DPP10: variants seen among roughly 807,000 people sequenced by gnomAD.
DPP10 encodes inactive dipeptidyl peptidase 10.
Under a neutral mutation model 120.9 loss-of-function variants are expected in DPP10, and 33 were observed. The observed-to-expected ratio is 0.27, with a 90% CI of 0.21 to 0.37. The LOEUF is 0.37. Among genes scored for constraint, DPP10 ranks in the 10% least tolerant of loss-of-function variants. The probability of loss-of-function intolerance (pLI) is 1.00; values close to 1 mark genes in which losing one functional copy is unlikely to be tolerated. For missense variants in DPP10, 816 were observed against 942.8 expected, an observed-to-expected ratio of 0.87 and a Z score of 1.76; for synonymous variants, 337 against 326.1, an observed-to-expected ratio of 1.03 and a Z score of -0.36.
intron 5 of DPP10, among the ~76,000 whole-genome samples, chr2:115,631,640 C>G (rs942584832): frequency 2.6e-5 from 4 of 152,098 alleles, no homozygotes; most frequent in African/African-American, 9.7e-5. Flanking sequence ...CAAAGAACTT[C>G]TTGATGTATG....
chr2:115,621,540 A>G (rs1311405523), intron 5 of DPP10, among the ~76,000 whole-genome samples: 2 of 152,106 alleles, frequency 1.3e-5, no homozygotes, highest in African/African-American at 4.8e-5. Flanking sequence ...CTTAAGGGAT[A>G]TTTTTTAATA....
chr2:115,336,565 C>G (rs1004616388), intron 2 of DPP10, among the ~76,000 whole-genome samples: 1 of 63,912 alleles, frequency 1.6e-5, no homozygotes, highest in Non-Finnish European at 6.2e-5. Flanking sequence ...TGTACTCTCT[C>G]TCTCTCTCTC....
intron 21 of DPP10, among the ~76,000 whole-genome samples, chr2:115,818,615 T>C (rs1397327082): frequency 6.6e-6 from 1 of 152,086 alleles, no homozygotes; most frequent in East Asian, 1.9e-4. Context: ...GAAGGGAGCA[T>C]GTGTGGAGAA....
chr2:114,998,870 C>T (rs1190828710), intron 1 of DPP10, among the ~76,000 whole-genome samples: 1 of 152,096 alleles, frequency 6.6e-6, no homozygotes, highest in Non-Finnish European at 1.5e-5. Flanking sequence ...ATTTTTTGGA[C>T]CTTTCTTCCA....
At chr2:115,719,418 G>T (rs2092587217) in intron 7 of DPP10, among the ~76,000 whole-genome samples, 1 of 152,152 alleles carries the variant, frequency 6.6e-6, no homozygotes. Context: ...AGAATGTCAG[G>T]TACTGATGCA....
chr2:114,820,636 A>G (rs1017444378), intron 1 of DPP10, among the ~76,000 whole-genome samples: 5 of 152,182 alleles, frequency 3.3e-5, no homozygotes, highest in African/African-American at 1.2e-4. Flanking sequence ...GGGCATCAGG[A>G]GATGGAACGA....
chr2:115,474,607 G>C (rs543959699), intron 3 of DPP10, among the ~76,000 whole-genome samples: 1 of 152,032 alleles, frequency 6.6e-6, no homozygotes, highest in Non-Finnish European at 1.5e-5. Flanking sequence ...GATGTGGCCA[G>C]GCTGCTTCTA....
At chr2:115,779,720 TG>T (rs1682523368) in intron 15 of DPP10, among the ~76,000 whole-genome samples, 2 of 152,036 alleles carry the variant, frequency 1.3e-5, no homozygotes, top group South Asian at 4.1e-4. Context: ...GAAACTGAAT[TG>T]TACACTTAGA....
chr2:115,079,861 G>A (rs1216274887), intron 1 of DPP10, among the ~76,000 whole-genome samples: 1 of 152,178 alleles, frequency 6.6e-6, no homozygotes, highest in East Asian at 1.9e-4. Context: ...TTTCCAGAAA[G>A]CTCCTACTAG....
intron 5 of DPP10, among the ~76,000 whole-genome samples, chr2:115,640,055 C>G (rs190540856): frequency 1.2e-3 from 188 of 151,240 alleles, no homozygotes; most frequent in Middle Eastern, 6.9e-3. Context: ...GGCCTATACT[C>G]TAATTTAGAT....
intron 1 of DPP10, among the ~76,000 whole-genome samples, chr2:115,162,633 T>A (rs1315657411): frequency 6.6e-6 from 1 of 151,924 alleles, no homozygotes; most frequent in East Asian, 1.9e-4. Flanking sequence ...GCATTAACGA[T>A]TAAGTGGAGC....
intron 4 of DPP10, among the ~76,000 whole-genome samples, chr2:115,508,840 T>A (rs1220914484): frequency 6.6e-6 from 1 of 152,092 alleles, no homozygotes; most frequent in East Asian, 1.9e-4. Flanking sequence ...GAGGCGGAGG[T>A]TGCAGTGAGC....
At chr2:114,967,055 C>G (rs985732309) in intron 1 of DPP10, among the ~76,000 whole-genome samples, 6 of 151,802 alleles carry the variant, frequency 4.0e-5, no homozygotes, top group African/African-American at 1.5e-4. Flanking sequence ...AAAAACAAAA[C>G]AAACAAACAA....
intron 1 of DPP10, among the ~76,000 whole-genome samples, chr2:115,273,313 G>GT (rs2059776857): frequency 1.3e-5 from 2 of 151,906 alleles, no homozygotes; most frequent in Admixed American, 1.3e-4. Flanking sequence ...TTTTTTCAGA[G>GT]TTTCTTGAGA....
intron 5 of DPP10, among the ~76,000 whole-genome samples, chr2:115,597,837 G>A (rs1271678944): frequency 6.6e-6 from 1 of 151,896 alleles, no homozygotes; most frequent in African/African-American, 2.4e-5. Flanking sequence ...TCCTTCATCA[G>A]ACCAACTCTT....
intron 1 of DPP10, among the ~76,000 whole-genome samples, chr2:114,600,374 G>T (rs531173505): frequency 1.3e-5 from 2 of 151,550 alleles, no homozygotes; most frequent in South Asian, 4.2e-4. Flanking sequence ...TTTCCATTTG[G>T]TTCATTTTTA....
At chr2:115,308,664 G>T (rs2061456032) in intron 1 of DPP10, among the ~76,000 whole-genome samples, 1 of 149,306 alleles carries the variant, frequency 6.7e-6, no homozygotes, top group South Asian at 2.1e-4. Flanking sequence ...GGTATAGAAG[G>T]ACTCATTTAA....
intron 1 of DPP10, among the ~76,000 whole-genome samples, chr2:115,165,666 T>A (rs1304895942): frequency 6.6e-6 from 1 of 152,186 alleles, no homozygotes; most frequent in African/African-American, 2.4e-5. Flanking sequence ...ATATATATAT[T>A]TTTAATGGTC....
At chr2:114,963,237 A>C (rs547442597) in intron 1 of DPP10, among the ~76,000 whole-genome samples, 1 of 152,338 alleles carries the variant, frequency 6.6e-6, no homozygotes, top group South Asian at 2.1e-4. Flanking sequence ...CACCAGAGCC[A>C]CAGGGACGTT....
Sources: gnomAD v4.1 joint callset for allele counts (sites outside exome capture counted in the v4.1 genomes callset) on GRCh38, gnomAD v4.1.1 for gene constraint, MANE v1.5 for transcripts, NCBI Gene and HGNC (gene_info 2026-07-23, HGNC 2026-07-21) for gene names.